ATP8A2: variants seen among roughly 807,000 people sequenced by gnomAD.
ATP8A2 encodes the protein phospholipid-transporting ATPase IB.
Under a neutral mutation model 165.6 loss-of-function variants are expected in ATP8A2, and 100 were observed. The observed-to-expected ratio is 0.60, with a 90% CI of 0.51 to 0.71. The LOEUF is 0.71. ATP8A2 is among the 30% of genes least tolerant of loss of function. ATP8A2 has a pLI of 0.00. For synonymous variants in ATP8A2, 543 were observed against 548.8 expected, an observed-to-expected ratio of 0.99 and a Z score of 0.15; for missense variants, 1,227 against 1,479.5, an observed-to-expected ratio of 0.83 and a Z score of 2.80.
intron 2 of ATP8A2, among the ~76,000 whole-genome samples, chr13:25,527,834 G>A (rs1016466178): frequency 2.0e-5 from 3 of 152,034 alleles, no homozygotes; most frequent in East Asian, 3.9e-4. Flanking sequence ...ATATAGCTGG[G>A]GTAATGTGCC....
rs2044124281 is a variant in ATP8A2, at chr13:25,750,211, C to A, written c.2385-18835C>A. Among the ~76,000 whole-genome samples the A allele has an allele frequency of 6.6e-6, 1 of 152,166 alleles. No homozygotes were observed. Among genetic ancestry groups the A allele is most frequent in the Non-Finnish European group, 1.5e-5 (1 of 68,028 alleles). ...TCACTGGTCCAGTTCGTGTGGAAGACAGGCCGGTGTCCAGAAAGCAGCTCC... is the reference window on the plus strand; with the variant it reads ...TCACTGGTCCAGTTCGTGTGGAAGAAAGGCCGGTGTCCAGAAAGCAGCTCC... On this transcript the variant is annotated intron_variant, in intron 25 of 36. Transcript: ENST00000381655. The surrounding 1 kb of genome is among the most constrained non-coding windows in gnomAD (Gnocchi z 4.3).
intron 33 of ATP8A2, among the ~76,000 whole-genome samples, chr13:25,938,602 A>G (rs182331843): frequency 1.3e-5 from 2 of 152,144 alleles, no homozygotes; most frequent in Admixed American, 6.5e-5. Context: ...AGGACACGGA[A>G]TGGATCGCCA....
chr13:25,547,291 G>A (rs1445674204), intron 10 of ATP8A2, among the ~76,000 whole-genome samples: 2 of 151,972 alleles, frequency 1.3e-5, no homozygotes, highest in African/African-American at 2.4e-5. Flanking sequence ...TACAGCAGGA[G>A]GAGAGTGGCA....
chr13:25,453,303 T>A (rs1243597795), intron 1 of ATP8A2, among the ~76,000 whole-genome samples: 3 of 151,594 alleles, frequency 2.0e-5, no homozygotes, highest in Non-Finnish European at 4.4e-5. Flanking sequence ...ATTTTTGTAT[T>A]TTTAGTAAAG....
At chr13:25,933,401 CTT>C (rs1954814344) in intron 33 of ATP8A2, among the ~76,000 whole-genome samples, 1 of 152,250 alleles carries the variant, frequency 6.6e-6, no homozygotes, top group Admixed American at 6.5e-5. Flanking sequence ...CACCTAATCT[CTT>C]TATGCCTCTT....
chr13:25,457,237 C>T (rs992121294), intron 1 of ATP8A2, among the ~76,000 whole-genome samples: 5 of 152,066 alleles, frequency 3.3e-5, no homozygotes, highest in African/African-American at 1.2e-4. Context: ...TGCATAGACT[C>T]TAGGAGTATA....
At chr13:26,019,786 G>A (rs570488694) in intron 36 of ATP8A2, 102 bp from the exon 37 acceptor site, 28 of 741,062 alleles carry the variant, frequency 3.8e-5, no homozygotes, top group Middle Eastern at 2.4e-4. Context: ...GCCAGATGTC[G>A]CACTCACCCG....
At chr13:25,551,242 T>C (rs2138054632) in intron 10 of ATP8A2, 96 bp from the exon 11 acceptor site, 1 of 1,189,746 alleles carries the variant, frequency 8.4e-7, no homozygotes, top group Admixed American at 2.2e-5. Context: ...CTTTTACTTG[T>C]TGGTTGTTAA....
chr13:25,885,105 CTTTTTTTTTT>C (rs869044168), intron 33 of ATP8A2, among the ~76,000 whole-genome samples: 4 of 88,568 alleles, frequency 4.5e-5, no homozygotes, highest in African/African-American at 1.4e-4. Context: ...TCTCCGCTTG[CTTTTTTTTTT>C]TTTTTTTTTT....
At chr13:25,591,833 T>C (rs1367424423) in intron 24 of ATP8A2, among the ~76,000 whole-genome samples, 2 of 152,218 alleles carry the variant, frequency 1.3e-5, no homozygotes, top group Non-Finnish European at 2.9e-5. Flanking sequence ...TGAATAGTGC[T>C]GCTATAAATG....
chr13:25,663,995 A>T (rs2042101244), intron 24 of ATP8A2, among the ~76,000 whole-genome samples: 1 of 151,586 alleles, frequency 6.6e-6, no homozygotes, highest in Admixed American at 6.6e-5. Flanking sequence ...GATTGCTTGA[A>T]CTCAGGAGTT....
chr13:25,542,000 C>T lies in ATP8A2; in HGVS notation c.733C>T (p.Arg245Cys), dbSNP rs780117528. The change falls in exon 9 of 37, where the codon CGC becomes TGC. Residue 245 changes from arginine to cysteine, a missense_variant. Around this residue, in one of 5 missense-constraint regions of ATP8A2, gnomAD observed 356 missense variants for 394.9 expected, o/e 0.90. Coordinates refer to ENST00000381655, the MANE Select transcript of ATP8A2 (RefSeq NM_016529.6). ...SGTIECEGPN[R>C]HLYDFTGNLN... is the part of the protein sequence containing the mutation. ...AACTATAGAGTGTGAAGGGCCCAAC[C>T]GCCACCTCTATGACTTCACTGGAAA... The T allele has an allele frequency of 5.0e-6, 8 of 1,613,984 alleles. No individual in the cohort carries two copies. In the Admixed American group the frequency reaches 6.7e-5, roughly 13 times the overall value.
At chr13:25,901,937 C>T (rs768805918) in intron 33 of ATP8A2, among the ~76,000 whole-genome samples, 2 of 152,126 alleles carry the variant, frequency 1.3e-5, no homozygotes, top group Non-Finnish European at 2.9e-5. Flanking sequence ...ATATGTACAG[C>T]GTATCAATAT....
At chr13:25,481,182 A>ACCGAG (rs1555278819) in intron 2 of ATP8A2, among the ~76,000 whole-genome samples, 1 of 144,296 alleles carries the variant, frequency 6.9e-6, no homozygotes, top group Admixed American at 6.9e-5. Flanking sequence ...GGAGAGGGAG[A>ACCGAG]GGGAGAGGGA....
At chr13:25,540,229 C>A in intron 7 of ATP8A2, 90 bp from the exon 8 acceptor site, 1 of 935,748 alleles carries the variant, frequency 1.1e-6, no homozygotes, top group South Asian at 1.4e-5. Flanking sequence ...GGCCAATCAG[C>A]AGACACAGAT....
At chr13:25,717,504 C>G (rs888453776) in intron 25 of ATP8A2, among the ~76,000 whole-genome samples, 4 of 150,978 alleles carry the variant, frequency 2.6e-5, no homozygotes, top group Non-Finnish European at 5.9e-5. Context: ...GGTCAAGTCA[C>G]TTACCCTAGA....
chr13:25,502,102 G>C (rs1307422775), intron 2 of ATP8A2, among the ~76,000 whole-genome samples: 1 of 152,210 alleles, frequency 6.6e-6, no homozygotes, highest in East Asian at 1.9e-4. Flanking sequence ...GCAACCCTCT[G>C]AAGTAATGTC....
intron 30 of ATP8A2, among the ~76,000 whole-genome samples, chr13:25,851,903 A>T (rs1167743973): frequency 1.3e-5 from 2 of 152,024 alleles, no homozygotes; most frequent in African/African-American, 4.8e-5. Context: ...CCCAGGCTGG[A>T]GTGCAGTGGC....
chr13:25,897,010 A>C (rs1414763839), intron 33 of ATP8A2, among the ~76,000 whole-genome samples: 1 of 152,190 alleles, frequency 6.6e-6, no homozygotes, highest in East Asian at 1.9e-4. Context: ...GTGCCTTTTA[A>C]TTGGAGCATT....
Sources: gnomAD v4.1 joint callset for allele counts (sites outside exome capture counted in the v4.1 genomes callset) on GRCh38, gnomAD v4.1.1 for gene constraint, gnomAD v4.1.1 regional missense constraint, Gnocchi (gnomAD v3.1) non-coding constraint, MANE v1.5 for transcripts, NCBI Gene and HGNC (gene_info 2026-07-23, HGNC 2026-07-21) for gene names.